GRIK1: variants seen among roughly 807,000 people sequenced by gnomAD.
GRIK1 encodes the protein glutamate ionotropic receptor kainate type subunit 1.
GRIK1 carries 69 observed loss-of-function variants against 105.7 expected under a neutral mutation model. The ratio of observed to expected loss-of-function variants is 0.65; its 90% CI spans 0.54 to 0.80. GRIK1 has a LOEUF of 0.80. GRIK1 is among the 30% of genes least tolerant of loss of function. The pLI, the probability that GRIK1 is intolerant of heterozygous loss-of-function variation, is 0.00. For missense variants in GRIK1, 1,109 were observed against 1,167.3 expected, an observed-to-expected ratio of 0.95 and a Z score of 0.73; for synonymous variants, 438 against 431.3, an observed-to-expected ratio of 1.02 and a Z score of -0.19.
At chr21:29,881,545 G>A (rs576656219) in intron 1 of GRIK1, among the ~76,000 whole-genome samples, 1 of 152,190 alleles carries the variant, frequency 6.6e-6, no homozygotes, top group East Asian at 1.9e-4. Flanking sequence ...TATTGGAAAT[G>A]TTTACATATA....
intron 6 of GRIK1, among the ~76,000 whole-genome samples, chr21:29,646,354 C>G (rs1224838179): frequency 1.3e-5 from 2 of 152,198 alleles, no homozygotes. Context: ...AAGTGCTGTT[C>G]ATGCAACTCT....
intron 7 of GRIK1, among the ~76,000 whole-genome samples, chr21:29,601,773 T>C (rs1215246070): frequency 6.6e-6 from 1 of 152,230 alleles, no homozygotes; most frequent in Non-Finnish European, 1.5e-5. Context: ...ACCTTTACAC[T>C]TTCAGTTTGG....
At chr21:29,884,961 A>C (rs1217424967) in intron 1 of GRIK1, among the ~76,000 whole-genome samples, 1 of 152,086 alleles carries the variant, frequency 6.6e-6, no homozygotes, top group African/African-American at 2.4e-5. Context: ...ACTGTTCCAT[A>C]AAAGATTCTA....
At chr21:29,586,476 G>A (rs1400285709) in intron 12 of GRIK1, among the ~76,000 whole-genome samples, 1 of 152,202 alleles carries the variant, frequency 6.6e-6, no homozygotes, top group East Asian at 1.9e-4. Flanking sequence ...GAAATTCCTG[G>A]AGGGAAAACA....
At chr21:29,709,224 T>A (rs2063985976) in intron 1 of GRIK1, among the ~76,000 whole-genome samples, 1 of 151,946 alleles carries the variant, frequency 6.6e-6, no homozygotes, top group Non-Finnish European at 1.5e-5. Context: ...ATACTGGTTC[T>A]AAAACTTGCT....
intron 1 of GRIK1, among the ~76,000 whole-genome samples, chr21:29,770,482 T>A (rs1404624363): frequency 6.6e-6 from 1 of 152,160 alleles, no homozygotes; most frequent in Non-Finnish European, 1.5e-5. Flanking sequence ...TTCAGATATA[T>A]AAAACATGCA....
intron 7 of GRIK1, among the ~76,000 whole-genome samples, chr21:29,604,067 G>A (rs1262635249): frequency 6.6e-6 from 1 of 152,174 alleles, no homozygotes; most frequent in African/African-American, 2.4e-5. Context: ...ATGGCTTATA[G>A]CGGGGTCTTA....
chr21:29,917,582 C>T (rs903482943), intron 1 of GRIK1, among the ~76,000 whole-genome samples: 1 of 152,044 alleles, frequency 6.6e-6, no homozygotes. Context: ...CAATCTAAAA[C>T]TCTTCAAATG....
intron 14 of GRIK1, among the ~76,000 whole-genome samples, chr21:29,571,703 C>T (rs897956650): frequency 1.3e-5 from 2 of 152,186 alleles, no homozygotes; most frequent in African/African-American, 4.8e-5. Context: ...ATGTCTGAAT[C>T]CCTTTCCTCC....
chr21:29,767,678 G>A (rs1343939540), intron 1 of GRIK1, among the ~76,000 whole-genome samples: 2 of 152,182 alleles, frequency 1.3e-5, no homozygotes, highest in Non-Finnish European at 2.9e-5. Context: ...GGTCTCAAAA[G>A]GCTCTTGTGC....
chr21:29,729,834 A>G (rs1258589806), intron 1 of GRIK1, among the ~76,000 whole-genome samples: 1 of 152,194 alleles, frequency 6.6e-6, no homozygotes, highest in Non-Finnish European at 1.5e-5. Flanking sequence ...CCTAAACTTA[A>G]AAAGTGATTT....
rs369724277 is a variant in GRIK1, at chr21:29,553,735, T to C, written c.2607+1317A>G. On this transcript the variant is annotated intron_variant, in intron 16 of 17. Coordinates refer to ENST00000327783, the MANE Select transcript of GRIK1 (RefSeq NM_001330994.2). ...ATGCAAAAGAAATGAGAAAAAAATA[T>C]AGAAAAATGAATAAATCAGAAGCAA... is the stretch of plus-strand genomic sequence containing the variant. 2.7e-5 allele frequency: 39 copies of C among 1,435,246 alleles called. No individual in the cohort carries two copies. In the African/African-American group the frequency reaches 4.9e-4, roughly 18 times the overall value. 88.9% of individuals were successfully genotyped at this position (1,435,246 alleles called of 1,614,324 possible). A position where few individuals can be genotyped will look rare whatever the true frequency, so the allele number is the denominator to read the frequency against.
chr21:29,868,257 C>T (rs1466680918), intron 1 of GRIK1, among the ~76,000 whole-genome samples: 1 of 152,180 alleles, frequency 6.6e-6, no homozygotes, highest in African/African-American at 2.4e-5. Flanking sequence ...ATGTTGCTGA[C>T]CACACAGATG....
At chr21:29,727,492 A>T (rs2064498961) in intron 1 of GRIK1, among the ~76,000 whole-genome samples, 1 of 152,162 alleles carries the variant, frequency 6.6e-6, no homozygotes, top group African/African-American at 2.4e-5. Context: ...TGAGGTTCAT[A>T]TGGCCAGTAT....
chr21:29,764,324 C>A (rs1428474797), intron 1 of GRIK1, among the ~76,000 whole-genome samples: 2 of 152,220 alleles, frequency 1.3e-5, no homozygotes, highest in East Asian at 3.9e-4. Flanking sequence ...TGTTCAGAAA[C>A]CTTTATTTAT....
chr21:29,918,313 A>T (rs2071070513), intron 1 of GRIK1, among the ~76,000 whole-genome samples: 1 of 152,144 alleles, frequency 6.6e-6, no homozygotes, highest in African/African-American at 2.4e-5. Context: ...GCACTGTACT[A>T]ATCGCTTTTC....
At chr21:29,573,517 A>C (rs2090806633) in intron 14 of GRIK1, among the ~76,000 whole-genome samples, 1 of 151,946 alleles carries the variant, frequency 6.6e-6, no homozygotes. Context: ...AGACAGGTGG[A>C]TCACTTGAGG....
chr21:29,658,257 CT>C (rs1421689012), intron 4 of GRIK1, among the ~76,000 whole-genome samples: 1 of 151,820 alleles, frequency 6.6e-6, no homozygotes. Context: ...AGGCCCATTT[CT>C]TTTTTTTATT....
At chr21:29,557,139 A>G (rs551686809) in intron 15 of GRIK1, among the ~76,000 whole-genome samples, 1 of 152,346 alleles carries the variant, frequency 6.6e-6, no homozygotes, top group East Asian at 1.9e-4. Flanking sequence ...AGGAAGAGGC[A>G]AAGTAAGATT....
Sources: gnomAD v4.1 joint callset for allele counts (sites outside exome capture counted in the v4.1 genomes callset) on GRCh38, gnomAD v4.1.1 for gene constraint, MANE v1.5 for transcripts, NCBI Gene and HGNC (gene_info 2026-07-23, HGNC 2026-07-21) for gene names.